The following ZNF407 variants were observed in gnomAD, a reference collection of about 807,000 sequenced individuals.
ZNF407 encodes zinc finger protein 407.
Under a neutral mutation model 131.2 loss-of-function variants are expected in ZNF407, and 17 were observed. The ratio of observed to expected loss-of-function variants is 0.13; its 90% CI spans 0.09 to 0.19. ZNF407 has a LOEUF of 0.19. Ranked by LOEUF, ZNF407 falls within the 10% of genes least tolerant of loss-of-function variation. ZNF407 has a pLI of 1.00. For missense variants in ZNF407, 2,681 were observed against 2,830.6 expected, an observed-to-expected ratio of 0.95 and a Z score of 1.20; for synonymous variants, 1,156 against 1,062.0, an observed-to-expected ratio of 1.09 and a Z score of -1.72.
chr18:74,766,447 A>T (rs1273341169), intron 3 of ZNF407, among the ~76,000 whole-genome samples: 1 of 152,164 alleles, frequency 6.6e-6, no homozygotes, highest in Non-Finnish European at 1.5e-5. Flanking sequence ...TCTTGTGATG[A>T]TGAGATGATC....
intron 8 of ZNF407, among the ~76,000 whole-genome samples, chr18:74,933,846 G>A (rs1386331449): frequency 2.0e-5 from 3 of 152,144 alleles, no homozygotes; most frequent in Admixed American, 6.5e-5. Context: ...GAGGCAAAAT[G>A]TGAAGTAAAA....
chr18:74,908,203 A>G (rs1470035387), intron 7 of ZNF407, among the ~76,000 whole-genome samples: 1 of 152,158 alleles, frequency 6.6e-6, no homozygotes, highest in South Asian at 2.1e-4. Context: ...TAGCAGTATT[A>G]ACTTTCATGA....
chr18:74,739,520 A>G (rs531653508), intron 3 of ZNF407, among the ~76,000 whole-genome samples: 1 of 151,584 alleles, frequency 6.6e-6, no homozygotes, highest in Admixed American at 6.6e-5. Context: ...TTATATATAT[A>G]TATGTATGTA....
intron 3 of ZNF407, among the ~76,000 whole-genome samples, chr18:74,719,012 A>G (rs1312180804): frequency 1.3e-5 from 2 of 152,186 alleles, no homozygotes; most frequent in South Asian, 2.1e-4. Context: ...TTTAATTAAA[A>G]ACTTTTTATA....
At chr18:74,702,615 A>G (rs759556537) in intron 3 of ZNF407, among the ~76,000 whole-genome samples, 2 of 152,208 alleles carry the variant, frequency 1.3e-5, no homozygotes, top group Admixed American at 6.5e-5. Context: ...TCTTCTATGC[A>G]TTGTTTCCAG....
At chr18:74,616,155 C>T (rs1458578681) in intron 1 of ZNF407, among the ~76,000 whole-genome samples, 1 of 152,102 alleles carries the variant, frequency 6.6e-6, no homozygotes, top group African/African-American at 2.4e-5. Context: ...GGAAAAAACC[C>T]CATGCACTTC....
rs1968293233 is a variant in ZNF407 at position 74,731,493 on chromosome 18, G to GA, written c.4803-49932dup. On this transcript the variant is annotated intron_variant, in intron 3 of 8. Transcript: ENST00000299687. The stretch of plus-strand genomic sequence containing the variant: ...CAATTCTATCCTCATTTCTTAGAGT[G>GA]AAATTTCTAAGCCTGTTGAGGTTAA... 2.0e-5 allele frequency among the ~76,000 whole-genome samples: 3 copies of GA among 152,248 alleles called. No homozygotes were observed. In the South Asian group the frequency reaches 6.2e-4, roughly 32 times the overall value.
intron 3 of ZNF407, among the ~76,000 whole-genome samples, chr18:74,779,882 TTA>T (rs1969563377): frequency 6.6e-6 from 1 of 152,164 alleles, no homozygotes; most frequent in Admixed American, 6.5e-5. Context: ...GCTATTAGCT[TTA>T]TGTTTTTTTA....
rs114947247 is a variant in ZNF407, at chr18:75,006,012, G to A, written c.5429-57138G>A. 2.3e-3 allele frequency among the ~76,000 whole-genome samples: 348 copies of A among 152,232 alleles called. 1 individual carries two copies. The highest frequency in any genetic ancestry group is 7.7e-3 in the African/African-American group (321 of 41,544). On this transcript the variant is annotated intron_variant, in intron 8 of 8. Transcript: ENST00000299687. ...TTTGTTGAATCTCCGTTAAAATAAA[G>A]TCCTGGATCCAAACAAACTGCGGTG...
At chr18:74,885,223 A>G (rs1226468338) in intron 6 of ZNF407, among the ~76,000 whole-genome samples, 2 of 152,178 alleles carry the variant, frequency 1.3e-5, no homozygotes, top group African/African-American at 4.8e-5. Context: ...ACAGAATAGC[A>G]TCCAGAAATA....
intron 6 of ZNF407, among the ~76,000 whole-genome samples, chr18:74,889,340 C>T (rs1276249989): frequency 1.3e-5 from 2 of 152,106 alleles, no homozygotes; most frequent in African/African-American, 4.8e-5. Flanking sequence ...GTTATATCTA[C>T]ACAGGGTTGG....
At chr18:74,775,954 C>T (rs1360124108) in intron 3 of ZNF407, among the ~76,000 whole-genome samples, 2 of 152,208 alleles carry the variant, frequency 1.3e-5, no homozygotes, top group Non-Finnish European at 2.9e-5. Flanking sequence ...CTAAACTGCT[C>T]GTTAGAAATC....
At chr18:74,896,722 T>C (rs1226959784) in intron 7 of ZNF407, among the ~76,000 whole-genome samples, 1 of 152,178 alleles carries the variant, frequency 6.6e-6, no homozygotes, top group African/African-American at 2.4e-5. Flanking sequence ...TCACGTGGAG[T>C]AGAAGTTCCT....
chr18:74,734,634 G>A (rs946151768), intron 3 of ZNF407, among the ~76,000 whole-genome samples: 11 of 151,434 alleles, frequency 7.3e-5, no homozygotes, highest in Middle Eastern at 3.4e-3. Context: ...GTAGTTTTCT[G>A]CCTATTTTTT....
At chr18:74,954,824 T>G (rs1972257447) in intron 8 of ZNF407, among the ~76,000 whole-genome samples, 1 of 152,230 alleles carries the variant, frequency 6.6e-6, no homozygotes, top group African/African-American at 2.4e-5. Context: ...TGCCATCCTT[T>G]CGAGTGACCA....
chr18:75,005,895 T>C (rs994000300), intron 8 of ZNF407, among the ~76,000 whole-genome samples: 1 of 152,090 alleles, frequency 6.6e-6, no homozygotes, highest in Non-Finnish European at 1.5e-5. Flanking sequence ...GACTTGGGAA[T>C]GTATGTTTGA....
At chr18:74,608,223 A>G (rs1173715781) in intron 1 of ZNF407, among the ~76,000 whole-genome samples, 3 of 152,154 alleles carry the variant, frequency 2.0e-5, no homozygotes, top group Non-Finnish European at 4.4e-5. Flanking sequence ...AATCTAAAAC[A>G]TTTATTTGAA....
At chr18:74,941,529 C>T (rs1256667598) in intron 8 of ZNF407, among the ~76,000 whole-genome samples, 1 of 152,176 alleles carries the variant, frequency 6.6e-6, no homozygotes, top group Non-Finnish European at 1.5e-5. Flanking sequence ...ATACACAACA[C>T]ATAATGTACT....
chr18:74,798,776 A>C (rs1165350188), intron 4 of ZNF407, among the ~76,000 whole-genome samples: 1 of 152,086 alleles, frequency 6.6e-6, no homozygotes, highest in Non-Finnish European at 1.5e-5. Context: ...GTAACTAGGG[A>C]AAGATGATCA....
Sources: allele counts gnomAD v4.1 joint callset (sites outside exome capture counted in the v4.1 genomes callset), GRCh38; gene constraint gnomAD v4.1.1; transcripts MANE v1.5; gene names NCBI Gene and HGNC (gene_info 2026-07-23, HGNC 2026-07-21).